The following SMURF1 variants were observed in gnomAD, a reference collection of about 807,000 sequenced individuals.
SMURF1 encodes SMAD specific E3 ubiquitin protein ligase 1, also known as E3 ubiquitin-protein ligase SMURF1.
A neutral mutation model predicts 98.0 loss-of-function variants in SMURF1; 44 were observed. The observed-to-expected ratio is 0.45, with a 90% CI of 0.35 to 0.58. SMURF1 has a LOEUF of 0.58. Ranked by LOEUF, SMURF1 falls within the 20% of genes least tolerant of loss-of-function variation. The pLI is 0.00. For missense variants in SMURF1, 687 were observed against 938.4 expected (o/e 0.73, Z 3.50); for synonymous variants, 396 against 374.9 (o/e 1.06, Z -0.65).
chr7:99,117,511 G>A (rs1358413152), intron 1 of SMURF1, among the ~76,000 whole-genome samples: 2 of 151,610 alleles, frequency 1.3e-5, no homozygotes, highest in Non-Finnish European at 2.9e-5. Flanking sequence ...ACCACACTTG[G>A]CTAATTTTTT....
intron 1 of SMURF1, among the ~76,000 whole-genome samples, chr7:99,136,845 G>A (rs896381975): frequency 9.9e-5 from 15 of 152,138 alleles, no homozygotes; most frequent in African/African-American, 3.1e-4. Flanking sequence ...AGCTACTCGG[G>A]AGGCTGAGGT....
At chr7:99,034,560 A>G (rs1795054091) in intron 16 of SMURF1, among the ~76,000 whole-genome samples, 1 of 151,810 alleles carries the variant, frequency 6.6e-6, no homozygotes, top group South Asian at 2.1e-4. Flanking sequence ...TTCCTCATCC[A>G]TGGAATGGGG....
chr7:99,130,328 C>A (rs558370676), intron 1 of SMURF1, among the ~76,000 whole-genome samples: 1 of 152,186 alleles, frequency 6.6e-6, no homozygotes, highest in South Asian at 2.1e-4. Flanking sequence ...TGGCACATGC[C>A]TGTAGTTCCA....
chr7:99,107,776 AAAG>A (rs753395104), intron 1 of SMURF1, among the ~76,000 whole-genome samples: 4 of 152,202 alleles, frequency 2.6e-5, no homozygotes, highest in African/African-American at 4.8e-5. Flanking sequence ...TTCCCGGAGA[AAAG>A]AAGTTGCTCT....
Position 99,040,559 on chromosome 7 carries a change from G to A in SMURF1, c.1372-3C>T, listed in dbSNP as rs760052798. The A allele has an allele frequency of 6.9e-7, 1 of 1,446,510 alleles. No individual in the cohort carries two copies. The highest frequency in any genetic ancestry group is 1.5e-5 in the South Asian group (1 of 65,240). 89.6% of individuals were successfully genotyped at this position (1,446,510 alleles called of 1,614,324 possible). On this transcript the variant is annotated splice_polypyrimidine_tract_variant and splice_region_variant and intron_variant, in intron 12 of 17. Coordinates refer to ENST00000361368, the MANE Select transcript of SMURF1 (RefSeq NM_181349.3). The stretch of plus-strand genomic sequence containing the variant: ...AAGTGGAAATAAGACAAGTGGTCCT[G>A]TAGGGGGCACCAGAGAACACGAATT...
intron 1 of SMURF1, among the ~76,000 whole-genome samples, chr7:99,109,497 G>GA (rs1203586478): frequency 1.3e-5 from 2 of 152,130 alleles, no homozygotes; most frequent in African/African-American, 2.4e-5. Context: ...TGCCTCTCTC[G>GA]GAGGCCTGGA....
chr7:99,047,549 C>T (rs962663673), intron 10 of SMURF1, 135 bp downstream of exon 10: 2 of 867,372 alleles, frequency 2.3e-6, no homozygotes, highest in Non-Finnish European at 3.5e-6. Context: ...AGAAGGGTTC[C>T]CTGAAACGCA....
chr7:99,115,081 A>G (rs1394378899), intron 1 of SMURF1, among the ~76,000 whole-genome samples: 2 of 152,014 alleles, frequency 1.3e-5, no homozygotes, highest in Non-Finnish European at 2.9e-5. Flanking sequence ...TCAAGGAATT[A>G]GAAAAAGAAC....
At chr7:99,110,149 C>T (rs955158640) in intron 1 of SMURF1, among the ~76,000 whole-genome samples, 1 of 152,114 alleles carries the variant, frequency 6.6e-6, no homozygotes, top group African/African-American at 2.4e-5. Flanking sequence ...AATTAGAATA[C>T]TGAAAACAAC....
intron 1 of SMURF1, among the ~76,000 whole-genome samples, chr7:99,086,433 G>A (rs1051428746): frequency 1.3e-5 from 2 of 151,482 alleles, no homozygotes. Context: ...AGGATATGGA[G>A]AAACTGGAAC....
intron 1 of SMURF1, among the ~76,000 whole-genome samples, chr7:99,075,459 G>C (rs984343250): frequency 6.6e-6 from 1 of 152,174 alleles, no homozygotes; most frequent in Admixed American, 6.5e-5. Context: ...TTATTTATTA[G>C]TCAGAAATAT....
At chr7:99,133,339 G>A (rs1357310047) in intron 1 of SMURF1, among the ~76,000 whole-genome samples, 2 of 151,420 alleles carry the variant, frequency 1.3e-5, no homozygotes, top group African/African-American at 2.4e-5. Flanking sequence ...GGACCTCCCG[G>A]TACATTTCTC....
At chr7:99,092,586 A>G (rs1489799081) in intron 1 of SMURF1, among the ~76,000 whole-genome samples, 1 of 152,192 alleles carries the variant, frequency 6.6e-6, no homozygotes, top group Admixed American at 6.5e-5. Context: ...TGGTCTATTT[A>G]GTGCCATGTT....
At chr7:99,041,200 G>A (rs1319925580) in intron 12 of SMURF1, among the ~76,000 whole-genome samples, 7 of 152,128 alleles carry the variant, frequency 4.6e-5, no homozygotes, top group African/African-American at 9.7e-5. Context: ...TCAGGAGTTC[G>A]AGACCAGCCT....
At chr7:99,057,608 T>TTTG (rs1795915948) in intron 3 of SMURF1, 57 bp from the exon 4 acceptor site, 1 of 1,393,704 alleles carries the variant, frequency 7.2e-7, no homozygotes, top group African/African-American at 1.5e-5. Context: ...TTGTTTTGTT[T>TTTG]TTTTTTTTTT....
chr7:99,069,021 C>T (rs1265502699), intron 1 of SMURF1, among the ~76,000 whole-genome samples: 5 of 152,116 alleles, frequency 3.3e-5, no homozygotes, highest in South Asian at 2.1e-4. Context: ...TTTCATAAAA[C>T]GAAACTAATT....
At chr7:99,069,557 A>C (rs1000169431) in intron 1 of SMURF1, among the ~76,000 whole-genome samples, 4 of 152,066 alleles carry the variant, frequency 2.6e-5, no homozygotes, top group Non-Finnish European at 5.9e-5. Flanking sequence ...ACAAGGTCTT[A>C]CTATGTTGCC....
chr7:99,030,566 G>C lies in SMURF1; in HGVS notation c.*18C>G, dbSNP rs756538143. ...GTCTGGTGGCCATGAGCTAGACTCTGTTGCCTTTGGTTGCTTTTCACTCCA... is the reference window on the plus strand; with the variant it reads ...GTCTGGTGGCCATGAGCTAGACTCTCTTGCCTTTGGTTGCTTTTCACTCCA... On this transcript the variant is annotated 3_prime_UTR_variant, in exon 18 of 18. Transcript: ENST00000361368. The C allele has an allele frequency of 5.6e-6, 9 of 1,610,986 alleles. No homozygotes were observed. In the East Asian group the frequency reaches 1.6e-4, roughly 28 times the overall value.
intron 1 of SMURF1, among the ~76,000 whole-genome samples, chr7:99,109,496 C>T (rs900435074): frequency 3.3e-5 from 5 of 152,196 alleles, no homozygotes; most frequent in African/African-American, 9.6e-5. Context: ...GTGCCTCTCT[C>T]GGAGGCCTGG....
Sources: allele counts gnomAD v4.1 joint callset (sites outside exome capture counted in the v4.1 genomes callset), GRCh38; gene constraint gnomAD v4.1.1; transcripts MANE v1.5; gene names NCBI Gene and HGNC (gene_info 2026-07-23, HGNC 2026-07-21).